LHFPL6: variants seen among roughly 807,000 people sequenced by gnomAD.
The protein encoded by LHFPL6 is LHFPL tetraspan subfamily member 6 protein.
In LHFPL6, 9 loss-of-function variants were observed where a neutral mutation model predicts 20.6. The observed-to-expected ratio is 0.44, with a 90% CI of 0.26 to 0.76. The LOEUF is 0.76. Among genes scored for constraint, LHFPL6 ranks in the 30% least tolerant of loss-of-function variants. The pLI is 0.20. For synonymous variants in LHFPL6, 105 were observed against 98.7 expected (o/e 1.06, Z -0.38); for missense variants, 218 against 253.5 (o/e 0.86, Z 0.95).
intron 2 of LHFPL6, among the ~76,000 whole-genome samples, chr13:39,594,502 G>T (rs371078775): frequency 6.6e-6 from 1 of 152,126 alleles, no homozygotes; most frequent in Non-Finnish European, 1.5e-5. Flanking sequence ...AATAGGAACA[G>T]TTTTACACTG....
intron 2 of LHFPL6, among the ~76,000 whole-genome samples, chr13:39,400,849 C>A (rs1593298617): frequency 2.0e-5 from 3 of 148,394 alleles, no homozygotes; most frequent in African/African-American, 7.5e-5. Context: ...ATCTTCCCAG[C>A]ACCAAAATGC....
At chr13:39,416,039 G>A (rs1350660649) in intron 2 of LHFPL6, among the ~76,000 whole-genome samples, 1 of 152,190 alleles carries the variant, frequency 6.6e-6, no homozygotes, top group Non-Finnish European at 1.5e-5. Context: ...AAATGTCCAA[G>A]AAATGAGATT....
chr13:39,587,809 G>A (rs1872496499), intron 2 of LHFPL6, among the ~76,000 whole-genome samples: 1 of 152,090 alleles, frequency 6.6e-6, no homozygotes, highest in Non-Finnish European at 1.5e-5. Context: ...CATTACTAGT[G>A]ATGAGAGGAC....
intron 2 of LHFPL6, among the ~76,000 whole-genome samples, chr13:39,422,092 T>C (rs1162264725): frequency 6.6e-6 from 1 of 152,202 alleles, no homozygotes; most frequent in Non-Finnish European, 1.5e-5. Context: ...ATTTTGTTAT[T>C]TCATTGTATT....
At chr13:39,409,240 G>A (rs1871194692) in intron 2 of LHFPL6, among the ~76,000 whole-genome samples, 1 of 152,104 alleles carries the variant, frequency 6.6e-6, no homozygotes, top group Non-Finnish European at 1.5e-5. Context: ...GATCACTTGA[G>A]GTCAGGAGTT....
At chr13:39,407,246 T>C (rs1427199967) in intron 2 of LHFPL6, among the ~76,000 whole-genome samples, 4 of 152,190 alleles carry the variant, frequency 2.6e-5, no homozygotes, top group Non-Finnish European at 5.9e-5. Context: ...TAATTAATGA[T>C]TTTCCTAATC....
chr13:39,460,903 G>A lies in LHFPL6; in HGVS notation c.386-82377C>T, dbSNP rs148568001. ...GTTACATGGGTAAATTACGTGTCATGGGAGTTTGGTATACAGATTATTTTG... is the reference window on the plus strand; with the variant it reads ...GTTACATGGGTAAATTACGTGTCATAGGAGTTTGGTATACAGATTATTTTG... On this transcript the variant is annotated intron_variant, in intron 2 of 3. Transcript: ENST00000379589. Among the ~76,000 whole-genome samples the A allele has an allele frequency of 7.9e-5, 12 of 152,284 alleles. No individual in the cohort carries two copies. In the East Asian group the frequency reaches 2.3e-3, roughly 29 times the overall value.
chr13:39,521,963 C>T (rs528470846), intron 2 of LHFPL6, among the ~76,000 whole-genome samples: 2 of 152,288 alleles, frequency 1.3e-5, no homozygotes, highest in East Asian at 1.9e-4. Context: ...TTCTCTTTTA[C>T]ATCCTGCCCA....
chr13:39,427,655 T>G (rs1871680384), intron 2 of LHFPL6, among the ~76,000 whole-genome samples: 1 of 152,250 alleles, frequency 6.6e-6, no homozygotes, highest in African/African-American at 2.4e-5. Flanking sequence ...AAAAAATTTT[T>G]TTACACATTA....
chr13:39,386,309 G>C lies in LHFPL6; in HGVS notation c.386-7783C>G, dbSNP rs1870562095. Among the ~76,000 whole-genome samples, 3 of 152,106 alleles carry C rather than the reference G, an allele frequency of 2.0e-5. No individual in the cohort carries two copies. The South Asian group carries it at 6.2e-4, about 32-fold the overall frequency. On this transcript the variant is annotated intron_variant, in intron 2 of 3. Coordinates refer to ENST00000379589, the MANE Select transcript of LHFPL6 (RefSeq NM_005780.3). ...TAAAACAAATACAGTGGTGGGGAAG[G>C]AACAAGAGCAGGGGTCAGCAGTGTA...
At chr13:39,519,131 G>C (rs959703714) in intron 2 of LHFPL6, among the ~76,000 whole-genome samples, 1 of 152,146 alleles carries the variant, frequency 6.6e-6, no homozygotes, top group Non-Finnish European at 1.5e-5. Context: ...AGCTACTCGG[G>C]AGGCTGAGGC....
At chr13:39,551,272 C>T (rs1266528214) in intron 2 of LHFPL6, among the ~76,000 whole-genome samples, 1 of 152,068 alleles carries the variant, frequency 6.6e-6, no homozygotes, top group Non-Finnish European at 1.5e-5. Flanking sequence ...CCATGGGGGA[C>T]TGGTGGGTGG....
intron 2 of LHFPL6, among the ~76,000 whole-genome samples, chr13:39,410,961 T>C (rs922633723): frequency 1.3e-5 from 2 of 152,210 alleles, no homozygotes; most frequent in African/African-American, 2.4e-5. Flanking sequence ...TATTAAACCA[T>C]TGTATTATAA....
At chr13:39,352,397 G>A (rs544183898) in intron 3 of LHFPL6, among the ~76,000 whole-genome samples, 23 of 152,182 alleles carry the variant, frequency 1.5e-4, no homozygotes, top group Non-Finnish European at 1.3e-4. Flanking sequence ...CTTTCACCCA[G>A]AGACTCCATG....
At chr13:39,364,753 C>T (rs1360820503) in intron 3 of LHFPL6, among the ~76,000 whole-genome samples, 1 of 152,092 alleles carries the variant, frequency 6.6e-6, no homozygotes, top group Non-Finnish European at 1.5e-5. Flanking sequence ...TTGCTGCACC[C>T]TTCAACCCCC....
At chr13:39,499,379 G>A (rs1300316455) in intron 2 of LHFPL6, among the ~76,000 whole-genome samples, 2 of 152,168 alleles carry the variant, frequency 1.3e-5, no homozygotes, top group African/African-American at 4.8e-5. Context: ...CCTGGATCAT[G>A]GCAGCAGCCT....
chr13:39,371,966 T>C (rs951268492), intron 3 of LHFPL6, among the ~76,000 whole-genome samples: 2 of 152,140 alleles, frequency 1.3e-5, no homozygotes, highest in African/African-American at 4.8e-5. Context: ...CTTACAACCA[T>C]GGGGAGAACT....
chr13:39,525,558 T>C (rs1870259873), intron 2 of LHFPL6, among the ~76,000 whole-genome samples: 2 of 152,078 alleles, frequency 1.3e-5, no homozygotes, highest in African/African-American at 4.8e-5. Flanking sequence ...TTAATGTAAA[T>C]AGCATGAGGC....
Position 39,343,678 on chromosome 13 carries a change from G to T in LHFPL6, c.*258C>A. Reference sequence around the variant, plus strand: ...TACATTAACAATACTCTGTGGAATAGAAACACCCGATGCCCTGCAATATTT... The same window carrying T: ...TACATTAACAATACTCTGTGGAATATAAACACCCGATGCCCTGCAATATTT... On this transcript the variant is annotated 3_prime_UTR_variant, in exon 4 of 4. Coordinates refer to ENST00000379589, the MANE Select transcript of LHFPL6 (RefSeq NM_005780.3). The T allele has an allele frequency of 2.8e-6, 1 of 360,656 alleles. No homozygotes were observed. The allele number at this position is 360,656 out of a possible 1,614,324, so 22.3% of individuals were successfully genotyped here. A position where few individuals can be genotyped will look rare whatever the true frequency, so the allele number is the denominator to read the frequency against.
Sources: gnomAD v4.1 joint callset for allele counts (sites outside exome capture counted in the v4.1 genomes callset) on GRCh38, gnomAD v4.1.1 for gene constraint, MANE v1.5 for transcripts, NCBI Gene and HGNC (gene_info 2026-07-23, HGNC 2026-07-21) for gene names.